The following NOX1 variants were observed in gnomAD, a reference collection of about 807,000 sequenced individuals.
NOX1 encodes NADH/NADPH mitogenic oxidase subunit P65-MOX.
In NOX1, 34 loss-of-function variants were observed where a neutral mutation model predicts 42.5. The observed-to-expected ratio is 0.80, with a 90% CI of 0.61 to 1.07. The LOEUF (loss-of-function observed/expected upper bound fraction) is 1.07. Ranked by LOEUF, NOX1 falls within the 50% of genes least tolerant of loss-of-function variation. The probability of loss-of-function intolerance (pLI) is 0.00; values close to 1 mark genes in which losing one functional copy is unlikely to be tolerated. For synonymous variants in NOX1, 143 were observed against 152.5 expected (o/e 0.94, Z 0.46); for missense variants, 408 against 427.0 (o/e 0.96, Z 0.39).
intron 8 of NOX1, 123 bp from the exon 9 acceptor site, chrX:100,850,509 C>A: frequency 6.5e-6 from 3 of 462,206 alleles, no homozygotes; most frequent in East Asian, 7.4e-5. Context: ...CAAGTCCTCT[C>A]TAAAGAGGGC....
At chrX:100,852,347 T>C (rs1473341880) in intron 7 of NOX1, among the ~76,000 whole-genome samples, 1 of 110,858 alleles carries the variant, frequency 9.0e-6, no homozygotes, top group South Asian at 3.8e-4. Flanking sequence ...TGGGTGCCTG[T>C]AATCCCAGAC....
At chrX:100,845,101 G>C (rs1174856697) in intron 12 of NOX1, among the ~76,000 whole-genome samples, 1 of 111,582 alleles carries the variant, frequency 9.0e-6, no homozygotes, top group Non-Finnish European at 1.9e-5. Context: ...TTTGAAGTGT[G>C]CAATTTGTGC....
In NOX1 at chrX:100,862,754, C is replaced by G. The variant is rs1265140079; in HGVS notation, c.404G>C (p.Gly135Ala). 1.7e-6 allele frequency: 2 copies of G among 1,195,566 alleles called. No homozygotes were observed. The highest frequency in any genetic ancestry group is 2.2e-6 in the Non-Finnish European group (2 of 889,053). Residue 135 changes from glycine (G) to alanine (A), a missense_variant, in exon 5 of 13, where the codon GGC becomes GCC. Transcript: ENST00000372966. ...GCTGGAGAGAATGGAGGCAAGGGAGCCATCTGTGGCCTGTCGGCTTCTGCT... is the reference window on the plus strand; with the variant it reads ...GCTGGAGAGAATGGAGGCAAGGGAGGCATCTGTGGCCTGTCGGCTTCTGCT... ...CYSRSRQATD[G>A]SLASILSSLS...
rs374827441 is a variant in NOX1 at position 100,870,019 on chromosome X, A to G, written c.141+700T>C. Among the ~76,000 whole-genome samples, 41 of 89,201 alleles carry G rather than the reference A, an allele frequency of 4.6e-4. No homozygotes were observed. The East Asian group carries it at 0.015, about 32-fold the overall frequency. The allele number at this position is 89,201 out of a possible 115,157, so 77.5% of individuals were successfully genotyped here. On this transcript the variant is annotated intron_variant, in intron 2 of 12. Transcript: ENST00000372966. ...GCATCCCAGGGATGAAGCCCACTTG[A>G]TCATGGTGGATAAGCTTTTTGATGT...
intron 7 of NOX1, among the ~76,000 whole-genome samples, chrX:100,854,224 A>G (rs1450373457): frequency 8.9e-6 from 1 of 112,288 alleles, no homozygotes; most frequent in African/African-American, 3.2e-5. Context: ...GTAGAACTCT[A>G]TGAAATTTTT....
chrX:100,852,533 G>A (rs947858472), intron 7 of NOX1, among the ~76,000 whole-genome samples: 5 of 112,453 alleles, frequency 4.4e-5, no homozygotes. Context: ...GCAGCAGTTT[G>A]CTTCTACCTG....
chrX:100,871,895 GTCAAGTTGTAGCA>G (rs1173831490), intron 1 of NOX1, among the ~76,000 whole-genome samples: 1 of 112,052 alleles, frequency 8.9e-6, no homozygotes, highest in Non-Finnish European at 1.9e-5. Flanking sequence ...TGATATTGGA[GTCAAGTTGTAGCA>G]TCACCAATTA....
chrX:100,862,226 C>G lies in NOX1; in HGVS notation c.749G>C (p.Trp250Ser), dbSNP rs757761853. The stretch of plus-strand genomic sequence containing the variant: ...CCTACAGTGGGAGTCACGATCATCC[C>G]ACATCTCAAAAGACTCTGCACACTT... Reference protein sequence around the residue: ...PRKCAESFEMWDDRDSHCRRP... With the variant: ...PRKCAESFEMSDDRDSHCRRP... The change falls in exon 7 of 13, where the codon TGG becomes TCG. Residue 250 changes from tryptophan to serine, a missense_variant. Transcript: ENST00000372966. 1 of 1,209,829 alleles carries G rather than the reference C, an allele frequency of 8.3e-7. No individual in the cohort carries two copies. The highest frequency in any genetic ancestry group is 2.2e-5 in the Admixed American group (1 of 45,758).
At chrX:100,861,505 C>T (rs894515547) in intron 7 of NOX1, among the ~76,000 whole-genome samples, 2 of 111,250 alleles carry the variant, frequency 1.8e-5, no homozygotes, top group African/African-American at 3.3e-5. Context: ...TAATAATATC[C>T]GCAAGAATTA....
At chrX:100,845,752 A>G (rs1309799006) in intron 12 of NOX1, among the ~76,000 whole-genome samples, 3 of 103,230 alleles carry the variant, frequency 2.9e-5, no homozygotes, top group Non-Finnish European at 3.9e-5. Flanking sequence ...AGTAGCTGGG[A>G]TTACAGGTGC....
rs1569445627 is a variant in NOX1, at chrX:100,853,306, CTT to C, written c.805-1983_805-1982del. The stretch of plus-strand genomic sequence containing the variant: ...TCTTTCTTTCTTTCTTTCTTTCTTT[CTT>C]TCTTTCTTTCTTTCTCTCTCTTTCT... On this transcript the variant is annotated intron_variant, in intron 7 of 12. Coordinates refer to ENST00000372966, the MANE Select transcript of NOX1 (RefSeq NM_007052.5). Among the ~76,000 whole-genome samples, 73 of 80,867 alleles carry C rather than the reference CTT, an allele frequency of 9.0e-4. 2 individuals are homozygous for C. Among genetic ancestry groups the C allele is most frequent in the African/African-American group, 3.3e-3 (68 of 20,327 alleles). The allele number at this position is 80,867 out of a possible 115,157, so 70.2% of individuals were successfully genotyped here.
intron 12 of NOX1, among the ~76,000 whole-genome samples, chrX:100,847,018 TCTCTA>T (rs1437572805): frequency 9.0e-6 from 1 of 111,516 alleles, no homozygotes; most frequent in African/African-American, 3.3e-5. Flanking sequence ...CGAAACCCCA[TCTCTA>T]CTAAAAATAC....
chrX:100,860,239 T>C (rs2085194899), intron 7 of NOX1, among the ~76,000 whole-genome samples: 1 of 112,132 alleles, frequency 8.9e-6, no homozygotes, highest in Non-Finnish European at 1.9e-5. Context: ...TGATGGACAC[T>C]TGTTTCCAGT....
At position 100,854,145 on chromosome X, in the gene NOX1, C is replaced by CA. The variant is rs200673560; in HGVS notation, c.805-2821dup. Among the ~76,000 whole-genome samples, 222 of 107,198 alleles carry CA rather than the reference C, an allele frequency of 2.1e-3. 2 individuals carry two copies. Among genetic ancestry groups the CA allele is most frequent in the South Asian group, 0.014 (35 of 2,429 alleles). The allele number at this position is 107,198 out of a possible 115,157, so 93.1% of individuals were successfully genotyped here. ...GTAACAGAGGGAGACTGTCTCAAAA[C>CA]AAAAAAAAATGTTTCAAAGGAAAGC... On this transcript the variant is annotated intron_variant, in intron 7 of 12. Coordinates refer to ENST00000372966, the MANE Select transcript of NOX1 (RefSeq NM_007052.5).
rs754495504 is a variant in NOX1 at position 100,849,462 on chromosome X, T to C, written c.1297-36A>G. 4 of 1,184,946 alleles carry C rather than the reference T, an allele frequency of 3.4e-6. No individual in the cohort carries two copies. The Admixed American group carries it at 9.1e-5, about 27-fold the overall frequency. Reference sequence around the variant, plus strand: ...CAAGAGAGAACATAGCCTTATTAGGTGACCTTAAAAGTCACATTTATAGAG... The same window carrying C: ...CAAGAGAGAACATAGCCTTATTAGGCGACCTTAAAAGTCACATTTATAGAG... On this transcript the variant is annotated intron_variant, in intron 10 of 12. Coordinates refer to ENST00000372966, the MANE Select transcript of NOX1 (RefSeq NM_007052.5).
At chrX:100,857,374 T>C (rs1462728985) in intron 7 of NOX1, among the ~76,000 whole-genome samples, 2 of 112,340 alleles carry the variant, frequency 1.8e-5, no homozygotes, top group Non-Finnish European at 1.9e-5. Context: ...GAATGATTTA[T>C]ATTCCTTTGG....
intron 2 of NOX1, among the ~76,000 whole-genome samples, chrX:100,867,045 ATTTTTGAGACAGAGTCTGGCTC>A (rs1379896524): frequency 1.8e-5 from 2 of 111,428 alleles, no homozygotes; most frequent in Non-Finnish European, 3.8e-5. Context: ...TTATGTATTT[ATTTTTGAGACAGAGTCTGGCTC>A]TGTCGCCCAG....
At chrX:100,863,269 A>G in intron 3 of NOX1, 26 bp from the exon 4 acceptor site, 1 of 1,100,506 alleles carries the variant, frequency 9.1e-7, no homozygotes. Flanking sequence ...GATCATGGTC[A>G]GATGTCGCCA....
chrX:100,856,572 A>G (rs2085168759), intron 7 of NOX1, among the ~76,000 whole-genome samples: 1 of 111,003 alleles, frequency 9.0e-6, no homozygotes, highest in African/African-American at 3.3e-5. Context: ...ATGTCCTTCC[A>G]AAATTACTTT....
Sources: gnomAD v4.1 joint callset for allele counts (sites outside exome capture counted in the v4.1 genomes callset) on GRCh38, gnomAD v4.1.1 for gene constraint, MANE v1.5 for transcripts, NCBI Gene and HGNC (gene_info 2026-07-23, HGNC 2026-07-21) for gene names.